GSAP: variants seen among roughly 807,000 people sequenced by gnomAD.
GSAP encodes the protein gamma-secretase-activating protein.
GSAP carries 118 observed loss-of-function variants against 131.7 expected under a neutral mutation model. The observed-to-expected ratio is 0.90, with a 90% CI of 0.77 to 1.04. The LOEUF is 1.04. Among genes scored for constraint, GSAP ranks in the 50% least tolerant of loss-of-function variants. The pLI is 0.00. For missense variants in GSAP, 1,019 were observed against 1,013.2 expected, an observed-to-expected ratio of 1.01 and a Z score of -0.08; for synonymous variants, 381 against 363.4, an observed-to-expected ratio of 1.05 and a Z score of -0.55.
At chr7:77,312,423 C>CA (rs1794490647) in intron 28 of GSAP, among the ~76,000 whole-genome samples, 1 of 152,134 alleles carries the variant, frequency 6.6e-6, no homozygotes, top group South Asian at 2.1e-4. Context: ...GTGGTTTATA[C>CA]ACTGATGTTG....
At chr7:77,335,732 C>G (rs1789889656) in intron 19 of GSAP, among the ~76,000 whole-genome samples, 1 of 152,202 alleles carries the variant, frequency 6.6e-6, no homozygotes, top group Non-Finnish European at 1.5e-5. Context: ...GGCTTTGGTC[C>G]TACTTCTGCT....
intron 6 of GSAP, among the ~76,000 whole-genome samples, chr7:77,384,946 G>C (rs1798339348): frequency 6.6e-6 from 1 of 152,040 alleles, no homozygotes; most frequent in East Asian, 1.9e-4. Context: ...ACTAAGATGG[G>C]TCCACAGAAT....
At chr7:77,396,852 C>A in intron 5 of GSAP, 130 bp downstream of exon 5, 4 of 519,044 alleles carry the variant, frequency 7.7e-6, no homozygotes, top group South Asian at 3.6e-5. Flanking sequence ...TTGACATGAC[C>A]TTTGCCTTTT....
chr7:77,324,631 T>C (rs1584258142), intron 23 of GSAP, among the ~76,000 whole-genome samples: 1 of 152,164 alleles, frequency 6.6e-6, no homozygotes, highest in East Asian at 1.9e-4. Context: ...TGCCAATTAA[T>C]TTGGCTTTAA....
intron 5 of GSAP, among the ~76,000 whole-genome samples, chr7:77,391,734 T>A (rs1003621989): frequency 1.3e-5 from 2 of 151,986 alleles, no homozygotes; most frequent in African/African-American, 4.8e-5. Context: ...ACTCAGAAGG[T>A]TGAGGTGGGA....
At chr7:77,414,563 T>C (rs937211612) in intron 1 of GSAP, among the ~76,000 whole-genome samples, 27 of 152,198 alleles carry the variant, frequency 1.8e-4, no homozygotes, top group Non-Finnish European at 3.1e-4. Flanking sequence ...TGTTGTTTAG[T>C]GGAAGGTCAA....
chr7:77,395,398 C>T (rs1410608926), intron 5 of GSAP, among the ~76,000 whole-genome samples: 1 of 152,100 alleles, frequency 6.6e-6, no homozygotes, highest in Non-Finnish European at 1.5e-5. Flanking sequence ...TGGGGTTTTG[C>T]CCATACCCTT....
Position 77,312,121 on chromosome 7 carries a change from G to T in GSAP, c.2353C>A (p.Leu785Ile). The change falls in exon 29 of 31, where the codon CTT (leucine) becomes ATT (isoleucine). Residue 785 changes from leucine to isoleucine, a missense_variant. Physicochemically the swap from Leu to Ile is conservative, Grantham distance 5. Transcript: ENST00000257626. Reference sequence around the variant, plus strand: ...CTCACCTGTTTCTTATAGTTCTGAAGCAGTCGCGTCACGTGGTTCCGCGAA... The same window carrying T: ...CTCACCTGTTTCTTATAGTTCTGAATCAGTCGCGTCACGTGGTTCCGCGAA... ...IISRNHVTRL[L>I]QNYKKQPRNS... is the part of the protein sequence containing the mutation. 1 of 1,596,896 alleles carries T rather than the reference G, an allele frequency of 6.3e-7. No homozygotes were observed. The highest frequency in any genetic ancestry group is 8.5e-7 in the Non-Finnish European group (1 of 1,171,368).
At chr7:77,368,814 T>C (rs1370207897) in intron 12 of GSAP, among the ~76,000 whole-genome samples, 1 of 152,200 alleles carries the variant, frequency 6.6e-6, no homozygotes, top group Non-Finnish European at 1.5e-5. Context: ...TATTGTTAGA[T>C]TGTTAGTTGC....
intron 18 of GSAP, among the ~76,000 whole-genome samples, chr7:77,350,416 A>G (rs1313559519): frequency 6.6e-6 from 1 of 150,600 alleles, no homozygotes; most frequent in African/African-American, 2.4e-5. Flanking sequence ...TAAAACTTAA[A>G]GTATAATAAT....
At position 77,362,317 on chromosome 7, in the gene GSAP, T is replaced by C. The variant is rs534295626; in HGVS notation, c.949+266A>G. On this transcript the variant is annotated intron_variant, in intron 13 of 30. Transcript: ENST00000257626. ...CCCTGGGCAACATGGTGAAACCCCATCTCCACAAAAAATACAAAAATTAGC... is the reference window on the plus strand; with the variant it reads ...CCCTGGGCAACATGGTGAAACCCCACCTCCACAAAAAATACAAAAATTAGC... Among the ~76,000 whole-genome samples, 4 of 152,192 alleles carry C rather than the reference T, an allele frequency of 2.6e-5. No homozygotes were observed. Among genetic ancestry groups the C allele is most frequent in the East Asian group, 3.9e-4 (2 of 5,164 alleles).
At chr7:77,369,494 T>G (rs1036300148) in intron 12 of GSAP, among the ~76,000 whole-genome samples, 9 of 152,172 alleles carry the variant, frequency 5.9e-5, no homozygotes, top group Non-Finnish European at 2.9e-5. Context: ...ACAAATGTTT[T>G]CAAGAATATA....
chr7:77,321,359 A>T lies in GSAP; in HGVS notation c.1968T>A (p.His656Gln), dbSNP rs1199618527. 1.9e-6 allele frequency: 3 copies of T among 1,605,200 alleles called. No individual in the cohort carries two copies. The highest frequency in any genetic ancestry group is 4.5e-5 in the East Asian group (2 of 44,820). The change falls in exon 25 of 31, where the codon CAT becomes CAA. Residue 656 changes from histidine (H) to glutamine (Q), a missense_variant. By Grantham distance (24) the His-to-Gln change is conservative. Transcript: ENST00000257626. ...AGTGGAGAACCCAGGAATGAAGATT[A>T]TGTTTCCTCCAATTGGTTTCTACGA... ...CHIVETNWRK[H>Q]NLHSWVLHFN...
At chr7:77,379,871 G>T in intron 8 of GSAP, 1 of 984,926 alleles carries the variant, frequency 1.0e-6, no homozygotes, top group Non-Finnish European at 1.2e-6. Context: ...TTTCCAGCCA[G>T]GCTTCTTGAT....
chr7:77,327,140 C>T (rs1788432550), intron 22 of GSAP: 1 of 152,178 alleles, frequency 6.6e-6, no homozygotes, highest in Admixed American at 6.5e-5. Context: ...CTGTTTCAGG[C>T]AGTGACATTC....
intron 12 of GSAP, among the ~76,000 whole-genome samples, 165 bp downstream of exon 12, chr7:77,373,905 T>G (rs1015979260): frequency 6.6e-6 from 1 of 152,212 alleles, no homozygotes; most frequent in African/African-American, 2.4e-5. Flanking sequence ...ACAGACAGTG[T>G]ATATTTAAAA....
chr7:77,368,662 C>CTT (rs1795674434), intron 12 of GSAP, among the ~76,000 whole-genome samples: 2 of 152,164 alleles, frequency 1.3e-5, no homozygotes, highest in African/African-American at 4.8e-5. Flanking sequence ...CTGCTTTTGG[C>CTT]TTACTAAGTC....
chr7:77,393,820 T>C (rs1415842847), intron 5 of GSAP, among the ~76,000 whole-genome samples: 1 of 151,926 alleles, frequency 6.6e-6, no homozygotes, highest in East Asian at 1.9e-4. Context: ...ATTACAGGCG[T>C]GTGCCACCAC....
intron 14 of GSAP, among the ~76,000 whole-genome samples, chr7:77,360,114 G>T (rs1468748899): frequency 6.6e-6 from 1 of 152,138 alleles, no homozygotes. Context: ...TGTGGAATAG[G>T]GATGGAAAAA....
Sources: allele counts gnomAD v4.1 joint callset (sites outside exome capture counted in the v4.1 genomes callset), GRCh38; gene constraint gnomAD v4.1.1; transcripts MANE v1.5; gene names NCBI Gene and HGNC (gene_info 2026-07-23, HGNC 2026-07-21).